The following NEURL1B variants were observed in gnomAD, a reference collection of about 807,000 sequenced individuals.
NEURL1B encodes E3 ubiquitin-protein ligase NEURL1B.
NEURL1B carries 13 observed loss-of-function variants against 37.4 expected under a neutral mutation model. The ratio of observed to expected loss-of-function variants is 0.35; its 90% CI spans 0.23 to 0.55. The LOEUF is 0.55. Ranked by LOEUF, NEURL1B falls within the 20% of genes least tolerant of loss-of-function variation. The pLI, the probability that NEURL1B is intolerant of heterozygous loss-of-function variation, is 0.89. For synonymous variants in NEURL1B, 432 were observed against 426.6 expected, an observed-to-expected ratio of 1.01 and a Z score of -0.16; for missense variants, 790 against 879.2, an observed-to-expected ratio of 0.90 and a Z score of 1.28.
chr5:172,682,545 C>T (rs1315463740), intron 2 of NEURL1B, among the ~76,000 whole-genome samples: 5 of 152,184 alleles, frequency 3.3e-5, no homozygotes, highest in African/African-American at 1.2e-4. Context: ...CATTGCACTC[C>T]AGCCTGGGTG....
intron 1 of NEURL1B, among the ~76,000 whole-genome samples, chr5:172,667,730 A>G (rs1323863131): frequency 3.3e-5 from 5 of 151,970 alleles, no homozygotes; most frequent in African/African-American, 1.2e-4. Context: ...CCAGCAGTCC[A>G]CTGTGCACAC....
chr5:172,658,701 C>A (rs2113281494), intron 1 of NEURL1B, among the ~76,000 whole-genome samples: 1 of 152,218 alleles, frequency 6.6e-6, no homozygotes, highest in East Asian at 1.9e-4. Context: ...TGGTCATGGG[C>A]AGCTCACCCA....
At chr5:172,652,950 A>G (rs1447176833) in intron 1 of NEURL1B, among the ~76,000 whole-genome samples, 5 of 152,142 alleles carry the variant, frequency 3.3e-5, no homozygotes, top group African/African-American at 1.2e-4. Flanking sequence ...TTCTTGACTC[A>G]GATGTGATGA....
rs1758502852 is a variant in NEURL1B, at chr5:172,686,632, C to T, written c.1424-49C>T. The T allele has an allele frequency of 6.6e-7, 1 of 1,523,032 alleles. No homozygotes were observed. Among genetic ancestry groups the T allele is most frequent in the Non-Finnish European group, 8.9e-7 (1 of 1,126,504 alleles). 94.3% of individuals were successfully genotyped at this position (1,523,032 alleles called of 1,614,324 possible). On this transcript the variant is annotated intron_variant, in intron 4 of 4. Coordinates refer to ENST00000369800, the MANE Select transcript of NEURL1B (RefSeq NM_001142651.3). This position sits in a 1 kb window ranked among gnomAD's most constrained non-coding sequence, Gnocchi z 7.9. The stretch of plus-strand genomic sequence containing the variant: ...TTCTCGGGGTTGCCCCAACAGAGCC[C>T]ACCTGAGAGAGACATTGTTAACATA...
chr5:172,670,110 C>T lies in NEURL1B; in HGVS notation c.357C>T (p.Cys119=), dbSNP rs977406531. The T allele has an allele frequency of 6.6e-7, 1 of 1,522,728 alleles. No individual in the cohort carries two copies. The allele number at this position is 1,522,728 out of a possible 1,614,324, so 94.3% of individuals were successfully genotyped here. The change falls in exon 2 of 5, where the codon TGC becomes TGT. Residue 119 remains cysteine (C), a synonymous_variant. Transcript: ENST00000369800. ...CCCAGGACATCCCCAAGTACGCCTG[C>T]CCGGACCTGGTCACGCGGCCGGGCT... ...MSAQDIPKYA[C]PDLVTRPGYW... is the part of the protein sequence containing the mutation.
chr5:172,660,765 A>G (rs906295298), intron 1 of NEURL1B, among the ~76,000 whole-genome samples: 1 of 152,032 alleles, frequency 6.6e-6, no homozygotes, highest in Non-Finnish European at 1.5e-5. Flanking sequence ...CTCAGCCTCC[A>G]AGTAGCTGGG....
chr5:172,647,900 A>G lies in NEURL1B; in HGVS notation c.31+6463A>G, dbSNP rs576086414. 5.3e-4 allele frequency among the ~76,000 whole-genome samples: 81 copies of G among 152,094 alleles called. No homozygotes were observed. The highest frequency in any genetic ancestry group is 9.9e-4 in the Non-Finnish European group (67 of 67,986). Reference sequence around the variant, plus strand: ...CCCATGCTGACACCCCCAGCCCCCAATGGCAAGCATCACAGTGCTCCCAAT... The same window carrying G: ...CCCATGCTGACACCCCCAGCCCCCAGTGGCAAGCATCACAGTGCTCCCAAT... On this transcript the variant is annotated intron_variant, in intron 1 of 4. Transcript: ENST00000369800. The surrounding 1 kb of genome is among the most constrained non-coding windows in gnomAD (Gnocchi z 4.2).
rs544604733 is a variant in NEURL1B, at chr5:172,655,988, A to G, written c.32-13797A>G. ...TCAGCAAGGCAAGTTACTTCATAGA[A>G]GGGTACATCCTTACAGATGGAGCAA... On this transcript the variant is annotated intron_variant, in intron 1 of 4. Transcript: ENST00000369800. 2.7e-4 allele frequency among the ~76,000 whole-genome samples: 41 copies of G among 152,330 alleles called. No homozygotes were observed. The South Asian group carries it at 7.5e-3, about 28-fold the overall frequency.
In NEURL1B at chr5:172,641,505, ACT is replaced by A; in HGVS notation, c.31+71_31+72del. On this transcript the variant is annotated intron_variant, in intron 1 of 4. Coordinates refer to ENST00000369800, the MANE Select transcript of NEURL1B (RefSeq NM_001142651.3). This position sits in a 1 kb window ranked among gnomAD's most constrained non-coding sequence, Gnocchi z 6.4. Reference sequence around the variant, plus strand: ...TCTCCTCCGGGGGACCCGCTGGGTGACTCTGGAGAGCTACCCCACGGCCCTTG... The same window carrying A: ...TCTCCTCCGGGGGACCCGCTGGGTGACTGGAGAGCTACCCCACGGCCCTTG... 1 of 1,201,618 alleles carries A rather than the reference ACT, an allele frequency of 8.3e-7. No individual in the cohort carries two copies. 74.4% of individuals were successfully genotyped at this position (1,201,618 alleles called of 1,614,324 possible).
intron 1 of NEURL1B, among the ~76,000 whole-genome samples, chr5:172,652,388 C>A (rs1757684235): frequency 6.6e-6 from 1 of 152,264 alleles, no homozygotes; most frequent in South Asian, 2.1e-4. Flanking sequence ...GTTTAACGTG[C>A]AGACGGAATA....
intron 1 of NEURL1B, among the ~76,000 whole-genome samples, chr5:172,662,779 C>T (rs1757925668): frequency 6.6e-6 from 1 of 152,162 alleles, no homozygotes; most frequent in Admixed American, 6.5e-5. Context: ...ACCCTGACAG[C>T]CAGAGTTCCC....
chr5:172,680,625 TAGAGAA>T (rs752656788), intron 2 of NEURL1B, among the ~76,000 whole-genome samples: 12 of 152,290 alleles, frequency 7.9e-5, no homozygotes, highest in Admixed American at 7.2e-4. Flanking sequence ...TTATGTTCAT[TAGAGAA>T]AAAGAGAAAA....
rs562374972 is a variant in NEURL1B, at chr5:172,661,477, C to G, written c.32-8308C>G. The stretch of plus-strand genomic sequence containing the variant: ...GTGGAAGAAAGGGCATGAGCCTGGT[C>G]CTCTCAGACCCTCAGTTTCCTCATC... On this transcript the variant is annotated intron_variant, in intron 1 of 4. Coordinates refer to ENST00000369800, the MANE Select transcript of NEURL1B (RefSeq NM_001142651.3). The surrounding 1 kb of genome is among the most constrained non-coding windows in gnomAD (Gnocchi z 4.0). Among the ~76,000 whole-genome samples the G allele has an allele frequency of 6.6e-6, 1 of 152,338 alleles. No homozygotes were observed. The highest frequency in any genetic ancestry group is 1.9e-4 in the East Asian group (1 of 5,188).
chr5:172,683,528 C>A lies in NEURL1B; in HGVS notation c.687C>A (p.Leu229=). 6.7e-7 allele frequency: 1 copy of A among 1,498,408 alleles called. No homozygotes were observed. The allele number at this position is 1,498,408 out of a possible 1,614,324, so 92.8% of individuals were successfully genotyped here. A position where few individuals can be genotyped will look rare whatever the true frequency, so the allele number is the denominator to read the frequency against. The change falls in exon 3 of 5, where the codon CTC becomes CTA. Residue 229 remains leucine, a synonymous_variant. Transcript: ENST00000369800. The surrounding 1 kb of genome is among the most constrained non-coding windows in gnomAD (Gnocchi z 5.6). ...CGGCCAACTTCGACAACAACGAGCTCGAGAACAACCAGGTGGTGGCCAAGC... is the reference window on the plus strand; with the variant it reads ...CGGCCAACTTCGACAACAACGAGCTAGAGAACAACCAGGTGGTGGCCAAGC... ...HDAANFDNNE[L]ENNQVVAKLG... is the part of the protein sequence containing the mutation.
rs1210711595 is a variant in NEURL1B at position 172,687,131 on chromosome 5, G to C, written c.*206G>C. The stretch of plus-strand genomic sequence containing the variant: ...GCTCCAAAGTGCTTTGCCCCCAAAA[G>C]GCCGTCCCAAGAGCAAGCTCAGGAA... On this transcript the variant is annotated 3_prime_UTR_variant, in exon 5 of 5. Transcript: ENST00000369800. 3.3e-6 allele frequency: 2 copies of C among 597,654 alleles called. No individual in the cohort carries two copies. The highest frequency in any genetic ancestry group is 3.7e-5 in the African/African-American group (2 of 53,948). The allele number at this position is 597,654 out of a possible 1,614,324, so 37.0% of individuals were successfully genotyped here.
rs892157600 is a variant in NEURL1B, at chr5:172,647,358, C to T, written c.31+5921C>T. On this transcript the variant is annotated intron_variant, in intron 1 of 4. Coordinates refer to ENST00000369800, the MANE Select transcript of NEURL1B (RefSeq NM_001142651.3). This position sits in a 1 kb window ranked among gnomAD's most constrained non-coding sequence, Gnocchi z 4.2. ...CCTGCCCTGCACTAGGCCCTTTATT[C>T]CATCCCATTGAAGCCGTCATGAGAG... Among the ~76,000 whole-genome samples the T allele has an allele frequency of 2.0e-5, 3 of 152,166 alleles. No homozygotes were observed. The highest frequency in any genetic ancestry group is 4.4e-5 in the Non-Finnish European group (3 of 68,026).
In NEURL1B at chr5:172,683,102, G is replaced by A. The variant is rs535178054; in HGVS notation, c.578-317G>A. 7.2e-4 allele frequency among the ~76,000 whole-genome samples: 109 copies of A among 152,266 alleles called. No homozygotes were observed. Among genetic ancestry groups the A allele is most frequent in the Non-Finnish European group, 1.2e-3 (84 of 68,022 alleles). On this transcript the variant is annotated intron_variant, in intron 2 of 4. Coordinates refer to ENST00000369800, the MANE Select transcript of NEURL1B (RefSeq NM_001142651.3). This position sits in a 1 kb window ranked among gnomAD's most constrained non-coding sequence, Gnocchi z 5.6. ...GGAAACCTCGGAAAGAGGGAGAGAA[G>A]GGGAAAGGGTGGAGAGAAAAGGAGG... is the stretch of plus-strand genomic sequence containing the variant.
chr5:172,677,502 C>T (rs745640448), intron 2 of NEURL1B, among the ~76,000 whole-genome samples: 86 of 152,306 alleles, frequency 5.6e-4, no homozygotes, highest in Non-Finnish European at 1.8e-4. Context: ...AGGGTCCAAC[C>T]GAGGCCTGTG....
chr5:172,676,986 G>C lies in NEURL1B; in HGVS notation c.578-6433G>C, dbSNP rs978116010. Among the ~76,000 whole-genome samples, 4 of 152,134 alleles carry C rather than the reference G, an allele frequency of 2.6e-5. No homozygotes were observed. Among genetic ancestry groups the C allele is most frequent in the African/African-American group, 9.7e-5 (4 of 41,416 alleles). ...GAGCGCACCATTCCAGGCTGCAGGA[G>C]AGGAAACTGAGGCCCAGAGAAAGGC... On this transcript the variant is annotated intron_variant, in intron 2 of 4. Coordinates refer to ENST00000369800, the MANE Select transcript of NEURL1B (RefSeq NM_001142651.3). The surrounding 1 kb of genome is among the most constrained non-coding windows in gnomAD (Gnocchi z 4.5).
Sources: allele counts gnomAD v4.1 joint callset (sites outside exome capture counted in the v4.1 genomes callset), GRCh38; gene constraint gnomAD v4.1.1; non-coding constraint Gnocchi (gnomAD v3.1); transcripts MANE v1.5; gene names NCBI Gene and HGNC (gene_info 2026-07-23, HGNC 2026-07-21).